ZFHX3: variants seen among roughly 807,000 people sequenced by gnomAD.
The protein encoded by ZFHX3 is zinc finger homeobox protein 3.
A neutral mutation model predicts 279.1 loss-of-function variants in ZFHX3; 42 were observed. The observed-to-expected ratio is 0.15, with a 90% CI of 0.12 to 0.19. ZFHX3 has a LOEUF of 0.19. Among genes scored for constraint, ZFHX3 ranks in the 10% least tolerant of loss-of-function variants. The pLI, the probability that ZFHX3 is intolerant of heterozygous loss-of-function variation, is 1.00. For missense variants in ZFHX3, 4,981 were observed against 4,754.0 expected, an observed-to-expected ratio of 1.05 and a Z score of -1.40; for synonymous variants, 2,293 against 1,957.8, an observed-to-expected ratio of 1.17 and a Z score of -4.52.
intron 1 of ZFHX3, among the ~76,000 whole-genome samples, chr16:73,736,309 G>T (rs924249579): frequency 6.6e-6 from 1 of 152,070 alleles, no homozygotes; most frequent in Non-Finnish European, 1.5e-5. Context: ...GCAGCAGCCT[G>T]CATGGACCAA....
chr16:73,350,928 G>A (rs1429231983), intron 3 of ZFHX3, among the ~76,000 whole-genome samples: 1 of 152,212 alleles, frequency 6.6e-6, no homozygotes, highest in African/African-American at 2.4e-5. Flanking sequence ...CCTCAAGGGA[G>A]GATGTGGGCC....
chr16:73,345,351 C>T (rs762676949), intron 3 of ZFHX3, among the ~76,000 whole-genome samples: 11 of 151,796 alleles, frequency 7.2e-5, no homozygotes, highest in Admixed American at 2.0e-4. Flanking sequence ...GGTATTAAGC[C>T]CAGCATGCAT....
At chr16:73,241,071 A>G (rs2013107082) in intron 5 of ZFHX3, among the ~76,000 whole-genome samples, 1 of 152,202 alleles carries the variant, frequency 6.6e-6, no homozygotes, top group African/African-American at 2.4e-5. Flanking sequence ...CAGGAGAGGC[A>G]AAGACTAGGC....
At chr16:73,131,012 C>T in exon 7 of ZFHX3, 2 of 1,305,254 alleles carry the variant, frequency 1.5e-6, no homozygotes, top group Non-Finnish European at 2.0e-6. Context: ...GGCGCTGGTT[C>T]TGGAGTTAGA....
intron 1 of ZFHX3, among the ~76,000 whole-genome samples, chr16:73,710,292 A>C (rs1465376503): frequency 6.6e-6 from 1 of 152,220 alleles, no homozygotes; most frequent in Non-Finnish European, 1.5e-5. Flanking sequence ...AAGATCTGTA[A>C]ATGGTAACGA....
chr16:73,090,798 C>T (rs1362603355), intron 8 of ZFHX3, among the ~76,000 whole-genome samples: 1 of 150,814 alleles, frequency 6.6e-6, no homozygotes, highest in Non-Finnish European at 1.5e-5. Flanking sequence ...GTAGTCCTAG[C>T]TACTTGAGAG....
intron 3 of ZFHX3, among the ~76,000 whole-genome samples, chr16:73,455,614 T>C (rs1348882241): frequency 6.6e-6 from 1 of 152,214 alleles, no homozygotes; most frequent in Non-Finnish European, 1.5e-5. Context: ...AAGGACTTAT[T>C]AGAATTTCAA....
At chr16:72,812,082 C>T (rs2143598704) in intron 5 of ZFHX3, 44 bp from the exon 6 acceptor site, 1 of 1,602,422 alleles carries the variant, frequency 6.2e-7, no homozygotes, top group Non-Finnish European at 8.5e-7. Context: ...CCAGACCAGG[C>T]CAGCTCCCAG....
intron 3 of ZFHX3, among the ~76,000 whole-genome samples, chr16:73,435,196 T>C (rs2017975150): frequency 6.6e-6 from 1 of 152,120 alleles, no homozygotes; most frequent in Admixed American, 6.5e-5. Flanking sequence ...CTTGGGACTC[T>C]TGATATTTTG....
rs543863850 is a variant in ZFHX3, at chr16:73,539,395, T to G, written c.-1546-83137A>C. Among the ~76,000 whole-genome samples, 176 of 150,940 alleles carry G rather than the reference T, an allele frequency of 1.2e-3. 1 individual carries two copies. The highest frequency in any genetic ancestry group is 2.2e-3 in the Non-Finnish European group (150 of 67,760). On this transcript the variant is annotated intron_variant, in intron 2 of 17. Coordinates refer to the ZFHX3 transcript ENST00000641206. ...AAACTTCCTTGTTGCTATGGCTGCT[T>G]CTTCTCTTTTTTTAAATTTTTTTCC...
chr16:73,195,005 C>T (rs1383681221), intron 5 of ZFHX3, among the ~76,000 whole-genome samples: 1 of 152,126 alleles, frequency 6.6e-6, no homozygotes, highest in East Asian at 1.9e-4. Context: ...CCTGGATGAC[C>T]TCATTATAAT....
intron 2 of ZFHX3, among the ~76,000 whole-genome samples, chr16:73,636,132 G>C (rs577423175): frequency 6.6e-6 from 1 of 152,104 alleles, no homozygotes; most frequent in African/African-American, 2.4e-5. Context: ...TATAATTTCA[G>C]TTCTCATATA....
At chr16:73,124,372 A>G (rs960693775) in intron 7 of ZFHX3, among the ~76,000 whole-genome samples, 5 of 152,092 alleles carry the variant, frequency 3.3e-5, no homozygotes, top group Non-Finnish European at 7.3e-5. Flanking sequence ...TCTCTTTTAT[A>G]AGATCACTAA....
intron 2 of ZFHX3, among the ~76,000 whole-genome samples, chr16:73,590,067 T>C (rs1439144694): frequency 6.6e-6 from 1 of 152,070 alleles, no homozygotes; most frequent in Non-Finnish European, 1.5e-5. Context: ...TATTGTAGGA[T>C]AAAGAAAAGA....
intron 1 of ZFHX3, among the ~76,000 whole-genome samples, chr16:73,727,493 T>C (rs1308222966): frequency 6.6e-6 from 1 of 152,150 alleles, no homozygotes; most frequent in Non-Finnish European, 1.5e-5. Flanking sequence ...CTAGAAGAGA[T>C]GGAGTTACCC....
In ZFHX3 at chr16:73,284,388, G is replaced by A. The variant is rs141465961; in HGVS notation, c.-1193-27252C>T. Among the ~76,000 whole-genome samples the A allele has an allele frequency of 5.8e-3, 866 of 149,502 alleles. 9 individuals carry two copies. The highest frequency in any genetic ancestry group is 0.02 in the African/African-American group (832 of 40,710). The stretch of plus-strand genomic sequence containing the variant: ...AATCCACTATCCTAAGATGACTAAC[G>A]CTAACATTTCTAGATATATTCTTCA... On this transcript the variant is annotated intron_variant, in intron 4 of 17. Coordinates refer to the ZFHX3 transcript ENST00000641206.
intron 3 of ZFHX3, among the ~76,000 whole-genome samples, chr16:73,367,027 TCACACACAGG>T (rs149813808): frequency 0.015 from 2,304 of 152,136 alleles, 70 homozygotes; most frequent in African/African-American, 0.052. Context: ...TCATACACAC[TCACACACAGG>T]CACACACACA....
chr16:73,215,636 G>A (rs770178269), intron 5 of ZFHX3, among the ~76,000 whole-genome samples: 15 of 152,078 alleles, frequency 9.9e-5, no homozygotes, highest in Non-Finnish European at 1.6e-4. Context: ...CATACTCAAC[G>A]TATCACAAAC....
chr16:73,451,111 G>A (rs900423528), intron 3 of ZFHX3, among the ~76,000 whole-genome samples: 2 of 152,152 alleles, frequency 1.3e-5, no homozygotes, highest in African/African-American at 4.8e-5. Flanking sequence ...CATGTTTGGA[G>A]CAATGATGCT....
Sources: allele counts gnomAD v4.1 joint callset (sites outside exome capture counted in the v4.1 genomes callset), GRCh38; gene constraint gnomAD v4.1.1; transcripts MANE v1.5; gene names NCBI Gene and HGNC (gene_info 2026-07-23, HGNC 2026-07-21).